The following CCDC7 variants were observed in gnomAD, a reference collection of about 807,000 sequenced individuals.
The protein encoded by CCDC7 is coiled-coil domain-containing protein 7.
Under a neutral mutation model 196.9 loss-of-function variants are expected in CCDC7, and 183 were observed. That is an observed-to-expected ratio of 0.93 (90% confidence interval 0.82 to 1.05). CCDC7 has a LOEUF of 1.05. Among genes scored for constraint, CCDC7 ranks in the 50% least tolerant of loss-of-function variants. CCDC7 has a pLI of 0.00. For missense variants in CCDC7, 1,540 were observed against 1,482.2 expected, an observed-to-expected ratio of 1.04 and a Z score of -0.64; for synonymous variants, 525 against 484.6, an observed-to-expected ratio of 1.08 and a Z score of -1.10.
intron 20 of CCDC7, among the ~76,000 whole-genome samples, chr10:32,661,195 T>C (rs1190900098): frequency 2.6e-5 from 4 of 151,106 alleles, no homozygotes; most frequent in Non-Finnish European, 5.9e-5. Flanking sequence ...AGAAGACATT[T>C]ATGCAGCCAA....
chr10:32,609,646 G>A lies in CCDC7; in HGVS notation c.1802-24608G>A, dbSNP rs11008995. Among the ~76,000 whole-genome samples the A allele has an allele frequency of 4.0e-3, 604 of 152,330 alleles. 3 individuals carry two copies. The highest frequency in any genetic ancestry group is 0.013 in the African/African-American group (561 of 41,570). ...CCCCACCAAAATCTCATGTTGAATT[G>A]TAATCCCCAGTGTTGGAGGTGGGGC... On this transcript the variant is annotated intron_variant, in intron 18 of 41. Transcript: ENST00000639629.
At chr10:32,754,356 G>A (rs956954552) in intron 28 of CCDC7, among the ~76,000 whole-genome samples, 1 of 152,162 alleles carries the variant, frequency 6.6e-6, no homozygotes, top group African/African-American at 2.4e-5. Context: ...GGCCTCATAT[G>A]ATGGAAACAA....
chr10:32,555,507 G>A (rs2054211189), intron 13 of CCDC7, among the ~76,000 whole-genome samples: 1 of 152,132 alleles, frequency 6.6e-6, no homozygotes, highest in African/African-American at 2.4e-5. Flanking sequence ...GCCTCCCAAA[G>A]TGCTGGTATT....
intron 11 of CCDC7, among the ~76,000 whole-genome samples, chr10:32,522,037 AT>A (rs978113827): frequency 1.3e-5 from 2 of 152,084 alleles, no homozygotes; most frequent in African/African-American, 4.8e-5. Flanking sequence ...CCACTTGGTC[AT>A]GATGAATGAT....
At chr10:32,499,115 A>C (rs908955811) in intron 9 of CCDC7, 2 of 150,548 alleles carry the variant, frequency 1.3e-5, no homozygotes, top group African/African-American at 4.9e-5. Context: ...AGGAGGAAAA[A>C]AAAGCCTATT....
intron 22 of CCDC7, among the ~76,000 whole-genome samples, chr10:32,688,459 A>G (rs930441055): frequency 2.0e-5 from 3 of 152,300 alleles, no homozygotes; most frequent in African/African-American, 2.4e-5. Context: ...AAAGATAGAT[A>G]TCTCCCCATA....
At chr10:32,735,977 T>G (rs999574794) in intron 28 of CCDC7, among the ~76,000 whole-genome samples, 2 of 152,204 alleles carry the variant, frequency 1.3e-5, no homozygotes, top group Admixed American at 6.6e-5. Flanking sequence ...TGACTATATT[T>G]ATGTGATTCT....
chr10:32,613,135 C>T (rs1353791887), intron 18 of CCDC7, among the ~76,000 whole-genome samples: 1 of 151,772 alleles, frequency 6.6e-6, no homozygotes, highest in South Asian at 2.1e-4. Context: ...CTGTTTTTTC[C>T]TGGTTTAGTC....
intron 29 of CCDC7, among the ~76,000 whole-genome samples, chr10:32,781,829 T>C (rs1188745434): frequency 6.6e-6 from 1 of 152,216 alleles, no homozygotes; most frequent in Non-Finnish European, 1.5e-5. Flanking sequence ...GACAGGTAGA[T>C]GATAGATAGT....
intron 24 of CCDC7, among the ~76,000 whole-genome samples, chr10:32,710,772 C>T (rs1271183472): frequency 6.6e-6 from 1 of 152,176 alleles, no homozygotes; most frequent in Admixed American, 6.5e-5. Context: ...AGGCATTGTG[C>T]TTAATTGACC....
intron 23 of CCDC7, among the ~76,000 whole-genome samples, chr10:32,692,436 A>G (rs1255876037): frequency 6.6e-6 from 1 of 152,226 alleles, no homozygotes; most frequent in Non-Finnish European, 1.5e-5. Context: ...AGAAAACCGC[A>G]TGGTGTCTGC....
rs369336296 is a variant in CCDC7 at position 32,848,579 on chromosome 10, T to C, written c.3773-17T>C. On this transcript the variant is annotated splice_polypyrimidine_tract_variant and intron_variant, in intron 38 of 41. Coordinates refer to ENST00000639629, the Ensembl canonical transcript of CCDC7. Reference sequence around the variant, plus strand: ...CAAGAGTATTCATGCACTTTTTCTTTTAAAATTTTATTTTAGATGTGAACT... The same window carrying C: ...CAAGAGTATTCATGCACTTTTTCTTCTAAAATTTTATTTTAGATGTGAACT... 248 of 1,435,250 alleles carry C rather than the reference T, an allele frequency of 1.7e-4. No homozygotes were observed. In the African/African-American group the frequency reaches 3.2e-3, roughly 19 times the overall value. The allele number at this position is 1,435,250 out of a possible 1,614,324, so 88.9% of individuals were successfully genotyped here.
At chr10:32,464,711 A>G (rs911055017) in intron 5 of CCDC7, among the ~76,000 whole-genome samples, 2 of 151,972 alleles carry the variant, frequency 1.3e-5, no homozygotes, top group Non-Finnish European at 2.9e-5. Flanking sequence ...GGGTTTTGCC[A>G]TGTTGCCCAG....
intron 11 of CCDC7, among the ~76,000 whole-genome samples, chr10:32,519,546 A>G (rs1237734126): frequency 6.6e-6 from 1 of 151,736 alleles, no homozygotes; most frequent in Non-Finnish European, 1.5e-5. Flanking sequence ...CTCATTTGGT[A>G]GGTTAGACTC....
At chr10:32,825,254 T>A (rs1207158585) in intron 32 of CCDC7, among the ~76,000 whole-genome samples, 2 of 152,208 alleles carry the variant, frequency 1.3e-5, no homozygotes, top group South Asian at 4.1e-4. Context: ...TTGATTGGAT[T>A]GAAGGATTCG....
Position 32,491,937 on chromosome 10 carries a change from TGA to T in CCDC7, c.813_814del (p.Met271IlefsTer2), listed in dbSNP as rs780562278. On this transcript the variant is annotated frameshift_variant, in exon 9 of 42. Coordinates refer to ENST00000639629, the Ensembl canonical transcript of CCDC7. LOFTEE classifies it high-confidence loss of function. Reference sequence around the variant, plus strand: ...TAAATAATAGAAACTGCTCATTCAATGACTAATCGATTTAATGCCATGTTGAA... The same window carrying T: ...TAAATAATAGAAACTGCTCATTCAATCTAATCGATTTAATGCCATGTTGAA... The T allele has an allele frequency of 3.4e-5, 53 of 1,576,222 alleles. No homozygotes were observed. In the Middle Eastern group the frequency reaches 6.8e-4, roughly 20 times the overall value.
At chr10:32,734,851 T>A (rs995866239) in intron 28 of CCDC7, among the ~76,000 whole-genome samples, 3 of 151,946 alleles carry the variant, frequency 2.0e-5, no homozygotes, top group African/African-American at 7.3e-5. Context: ...TGAGCTGAGA[T>A]TGTGCCACTG....
At chr10:32,471,097 C>A in exon 6 of CCDC7, 1 of 1,607,690 alleles carries the variant, frequency 6.2e-7, no homozygotes, top group Admixed American at 1.7e-5. Context: ...ACAAGCAGAG[C>A]CTCCAAAACC....
At chr10:32,653,162 T>C (rs1212192645) in intron 20 of CCDC7, among the ~76,000 whole-genome samples, 1 of 152,202 alleles carries the variant, frequency 6.6e-6, no homozygotes, top group South Asian at 2.1e-4. Context: ...TTATTTTTTA[T>C]ATTTGGGACC....
Sources: gnomAD v4.1 joint callset for allele counts (sites outside exome capture counted in the v4.1 genomes callset) on GRCh38, gnomAD v4.1.1 for gene constraint, MANE v1.5 for transcripts, NCBI Gene and HGNC (gene_info 2026-07-23, HGNC 2026-07-21) for gene names.